ZNF124: variants seen among roughly 807,000 people sequenced by gnomAD.
The protein encoded by ZNF124 is zinc finger protein 124, also known as zinc finger protein HZF-16.
Under a neutral mutation model 26.6 loss-of-function variants are expected in ZNF124, and 25 were observed. The observed-to-expected ratio is 0.94, with a 90% confidence interval of 0.68 to 1.31. The LOEUF is 1.31. Ranked by LOEUF, ZNF124 falls within the 40% of genes most tolerant of loss-of-function variation. ZNF124 has a pLI of 0.00. For missense variants in ZNF124, 444 were observed against 422.2 expected, an observed-to-expected ratio of 1.05 and a Z score of -0.45; for synonymous variants, 129 against 133.3, an observed-to-expected ratio of 0.97 and a Z score of 0.22.
chr1:247,154,722 G>A (rs1337907152), downstream of ZNF124, among the ~76,000 whole-genome samples: 2 of 152,088 alleles, frequency 1.3e-5, no homozygotes, highest in African/African-American at 4.8e-5. Context: ...AATTTGGCTG[G>A]GCACAGTGGC....
chr1:247,144,955 T>C (rs1431824748), intron 3 of ZNF124, among the ~76,000 whole-genome samples: 1 of 152,108 alleles, frequency 6.6e-6, no homozygotes, highest in Non-Finnish European at 1.5e-5. Flanking sequence ...TTTGTATTTT[T>C]AGTAGAACCG....
chr1:247,138,621 A>G (rs1296440179), intron 3 of ZNF124: 3 of 396,970 alleles, frequency 7.6e-6, no homozygotes, highest in African/African-American at 2.1e-5. Flanking sequence ...ATTCTGGACT[A>G]ATTTAAAATG....
intron 1 of ZNF124, among the ~76,000 whole-genome samples, chr1:247,165,060 C>T (rs997092156): frequency 1.3e-5 from 2 of 152,054 alleles, no homozygotes; most frequent in Non-Finnish European, 2.9e-5. Flanking sequence ...TCCGCTGCCC[C>T]GGTTCATGCC....
At chr1:247,130,391 A>C (rs931410605) in intron 3 of ZNF124, among the ~76,000 whole-genome samples, 11 of 152,194 alleles carry the variant, frequency 7.2e-5, no homozygotes, top group African/African-American at 2.7e-4. Context: ...ACTGTCTTCC[A>C]TTATGGCTGC....
chr1:247,131,645 A>G (rs534425560), intron 3 of ZNF124, among the ~76,000 whole-genome samples: 4 of 152,302 alleles, frequency 2.6e-5, no homozygotes, highest in African/African-American at 7.2e-5. Context: ...CTGTCCCTAC[A>G]GCCCAATACA....
At position 247,156,448 on chromosome 1, in the gene ZNF124, T is replaced by C. The variant is rs191919366; in HGVS notation, c.*118A>G. The C allele has an allele frequency of 3.0e-6, 4 of 1,347,242 alleles. No individual in the cohort carries two copies. Among genetic ancestry groups the C allele is most frequent in the East Asian group, 2.8e-5 (1 of 36,240 alleles). The allele number at this position is 1,347,242 out of a possible 1,614,324, so 83.5% of individuals were successfully genotyped here. A position where few individuals can be genotyped will look rare whatever the true frequency, so the allele number is the denominator to read the frequency against. ...TAGGGTTTATCTCCAGTTTGATTCG[T>C]TTCATGTATTTGAGGAAATCTGGGA... On this transcript the variant is annotated 3_prime_UTR_variant, in exon 4 of 4. Coordinates refer to ENST00000543802, the MANE Select transcript of ZNF124 (RefSeq NM_001297568.2).
rs1258815777 is a variant in ZNF124 at position 247,155,802 on chromosome 1, A to G, written c.*764T>C. ...CGTGAACCTGGGAGGCAGAGCTTACAGTGAACTGAGATTGTGCCACTGCAC... is the reference window on the plus strand; with the variant it reads ...CGTGAACCTGGGAGGCAGAGCTTACGGTGAACTGAGATTGTGCCACTGCAC... On this transcript the variant is annotated 3_prime_UTR_variant, in exon 4 of 4. Transcript: ENST00000543802. 1 of 467,586 alleles carries G rather than the reference A, an allele frequency of 2.1e-6. No individual in the cohort carries two copies. Among genetic ancestry groups the G allele is most frequent in the East Asian group, 1.6e-4 (1 of 6,436 alleles). The allele number at this position is 467,586 out of a possible 1,614,324, so 29.0% of individuals were successfully genotyped here.
chr1:247,159,122 C>G, intron 2 of ZNF124, 56 bp from the exon 3 acceptor site: 3 of 1,524,018 alleles, frequency 2.0e-6, no homozygotes, highest in Non-Finnish European at 2.7e-6. Flanking sequence ...AGAAAAATTA[C>G]TAGACTCTAG....
chr1:247,138,390 TCTCA>T (rs991413161), intron 3 of ZNF124: 113 of 182,316 alleles, frequency 6.2e-4, no homozygotes, highest in African/African-American at 2.7e-3. Context: ...CACTGCACGT[TCTCA>T]CTCATAAGTG....
At chr1:247,131,546 C>T (rs906794977) in intron 3 of ZNF124, among the ~76,000 whole-genome samples, 14 of 152,194 alleles carry the variant, frequency 9.2e-5, no homozygotes, top group Non-Finnish European at 1.0e-4. Flanking sequence ...GCTCCCTGGA[C>T]GGGAGGAGGT....
chr1:247,156,097 C>A lies in ZNF124; in HGVS notation c.*469G>T. 1.0e-6 allele frequency: 1 copy of A among 981,630 alleles called. No homozygotes were observed. The highest frequency in any genetic ancestry group is 1.2e-6 in the Non-Finnish European group (1 of 826,602). The allele number at this position is 981,630 out of a possible 1,614,324, so 60.8% of individuals were successfully genotyped here. On this transcript the variant is annotated 3_prime_UTR_variant, in exon 4 of 4. Coordinates refer to ENST00000543802, the MANE Select transcript of ZNF124 (RefSeq NM_001297568.2). ...ATTTCCAGTGGGAGTTTTCACATGA[C>A]CTTTAAAGTAATTGTTAAAATTCAG...
At position 247,156,274 on chromosome 1, in the gene ZNF124, A is replaced by G; in HGVS notation, c.*292T>C. ...TACCTTCATAAAGTTTTTCTCTAGA[A>G]TGAGTTATGTTATACCATCAAATAC... On this transcript the variant is annotated 3_prime_UTR_variant, in exon 4 of 4. Coordinates refer to ENST00000543802, the MANE Select transcript of ZNF124 (RefSeq NM_001297568.2). 1 of 1,096,358 alleles carries G rather than the reference A, an allele frequency of 9.1e-7. No individual in the cohort carries two copies. The highest frequency in any genetic ancestry group is 5.6e-5 in the East Asian group (1 of 17,804). The allele number at this position is 1,096,358 out of a possible 1,614,324, so 67.9% of individuals were successfully genotyped here.
At chr1:247,163,314 G>GAAAAA (rs200117504) in intron 1 of ZNF124, among the ~76,000 whole-genome samples, 7 of 151,542 alleles carry the variant, frequency 4.6e-5, no homozygotes, top group African/African-American at 1.5e-4. Context: ...ATAAATTGAA[G>GAAAAA]AGAGAGAGAA....
intron 1 of ZNF124, among the ~76,000 whole-genome samples, chr1:247,161,496 A>C (rs1673478155): frequency 6.6e-6 from 1 of 152,174 alleles, no homozygotes; most frequent in African/African-American, 2.4e-5. Context: ...TTGACATATG[A>C]ATAGGAGAAA....
intron 3 of ZNF124, among the ~76,000 whole-genome samples, chr1:247,130,843 C>T (rs1572057001): frequency 3.3e-5 from 5 of 152,184 alleles, no homozygotes; most frequent in East Asian, 3.9e-4. Context: ...TTTGGGAGGC[C>T]GAGGTGGGCA....
intron 3 of ZNF124, among the ~76,000 whole-genome samples, chr1:247,132,396 A>G (rs1672388590): frequency 6.6e-6 from 1 of 152,198 alleles, no homozygotes; most frequent in Admixed American, 6.5e-5. Flanking sequence ...CCAAATGATC[A>G]CAACATCTCT....
intron 3 of ZNF124, among the ~76,000 whole-genome samples, chr1:247,141,877 C>A (rs1672637008): frequency 6.6e-6 from 1 of 152,228 alleles, no homozygotes; most frequent in Non-Finnish European, 1.5e-5. Context: ...TTATCAAGAC[C>A]TAGTTCAGAC....
At chr1:247,169,377 T>G (rs1673964552) in intron 1 of ZNF124, among the ~76,000 whole-genome samples, 1 of 152,190 alleles carries the variant, frequency 6.6e-6, no homozygotes, top group Non-Finnish European at 1.5e-5. Flanking sequence ...CTTGGCAGGT[T>G]TTTGTGTCAT....
rs1212199135 is a variant in ZNF124, at chr1:247,159,979, C to CTTTT, written c.31-170_31-167dup. On this transcript the variant is annotated intron_variant, in intron 1 of 3. Coordinates refer to ENST00000543802, the MANE Select transcript of ZNF124 (RefSeq NM_001297568.2). ...ACTTCCTTTCTCCCACATAGCAGTTCTTTTTTTTTTTTTTTTTTTTTTTTT... is the reference window on the plus strand; with the variant it reads ...ACTTCCTTTCTCCCACATAGCAGTTCTTTTTTTTTTTTTTTTTTTTTTTTTTTTT... 181 of 147,714 alleles carry CTTTT rather than the reference C, an allele frequency of 1.2e-3. 1 individual carries two copies. Among genetic ancestry groups the CTTTT allele is most frequent in the African/African-American group, 1.9e-3 (44 of 22,904 alleles). 9.2% of individuals were successfully genotyped at this position (147,714 alleles called of 1,614,324 possible). A position where few individuals can be genotyped will look rare whatever the true frequency, so the allele number is the denominator to read the frequency against.
Sources: allele counts gnomAD v4.1 joint callset (sites outside exome capture counted in the v4.1 genomes callset), GRCh38; gene constraint gnomAD v4.1.1; transcripts MANE v1.5; gene names NCBI Gene and HGNC (gene_info 2026-07-23, HGNC 2026-07-21).